Variants in CLEC20A observed in about 807,000 individuals in gnomAD.
CLEC20A encodes putative C-type lectin domain family 20 member A.
intron 5 of CLEC20A, among the ~76,000 whole-genome samples, chr1:178,486,153 T>C (rs1649135274): frequency 6.6e-6 from 1 of 152,186 alleles, no homozygotes; most frequent in African/African-American, 2.4e-5. Flanking sequence ...ATCACCCCAC[T>C]TCACCTCCAT....
chr1:178,495,756 C>A, intron 1 of CLEC20A: 1 of 152,412 alleles, frequency 6.6e-6, no homozygotes. Context: ...AAACGTCTCC[C>A]AGGAAGCCAA....
At chr1:178,488,461 C>G (rs925075856) in intron 5 of CLEC20A, 40 bp downstream of exon 5, 13 of 398,642 alleles carry the variant, frequency 3.3e-5, no homozygotes, top group Non-Finnish European at 5.3e-5. Flanking sequence ...TTCCCCAGAC[C>G]CTGAAGACCC....
chr1:178,484,792 G>A (rs1401206997), intron 5 of CLEC20A: 1 of 152,176 alleles, frequency 6.6e-6, no homozygotes, highest in Non-Finnish European at 1.5e-5. Context: ...ATTTGTATTG[G>A]TACTTCAGTT....
chr1:178,487,229 T>G (rs867452030), intron 5 of CLEC20A, among the ~76,000 whole-genome samples: 1 of 152,088 alleles, frequency 6.6e-6, no homozygotes, highest in Non-Finnish European at 1.5e-5. Context: ...CTGAACCCAA[T>G]AGCGCGGCCC....
Position 178,496,898 on chromosome 1 carries a change from A to C in CLEC20A, c.40+2T>G, listed in dbSNP as rs1649407583. The C allele has an allele frequency of 2.5e-6, 1 of 398,484 alleles. No individual in the cohort carries two copies. The highest frequency in any genetic ancestry group is 4.4e-6 in the Non-Finnish European group (1 of 226,234). The allele number at this position is 398,484 out of a possible 1,614,324, so 24.7% of individuals were successfully genotyped here. A position where few individuals can be genotyped will look rare whatever the true frequency, so the allele number is the denominator to read the frequency against. ...ACCCTCCTCCAGGTTGGGGGGCCTCACCTGCTGCGCAGAAGGAGAGCAGCA... is the reference window on the plus strand; with the variant it reads ...ACCCTCCTCCAGGTTGGGGGGCCTCCCCTGCTGCGCAGAAGGAGAGCAGCA... On this transcript the variant is annotated splice_donor_variant, in intron 1 of 7. Coordinates refer to ENST00000623247, the Ensembl canonical transcript of CLEC20A. LOFTEE classifies it high-confidence loss of function.
At chr1:178,491,269 G>T (rs1312234523) in intron 3 of CLEC20A, among the ~76,000 whole-genome samples, 2 of 152,156 alleles carry the variant, frequency 1.3e-5, no homozygotes, top group Non-Finnish European at 2.9e-5. Context: ...GAGTGGCTGG[G>T]ACTTGACCTG....
upstream of CLEC20A, among the ~76,000 whole-genome samples, chr1:178,498,265 C>T (rs1027708703): frequency 2.6e-5 from 4 of 152,080 alleles, no homozygotes; most frequent in Non-Finnish European, 4.4e-5. Flanking sequence ...TCAGAGACCC[C>T]CAGGCCCAGT....
Position 178,494,629 on chromosome 1 carries a change from G to A in CLEC20A, c.222C>T (p.Asp74=), listed in dbSNP as rs538669816. Reference sequence around the variant, plus strand: ...ACCATCTCAGGCCAGAAGTGCTTGCGTCGAAGAAGAGGCCAATCCAAGCCG... The same window carrying A: ...ACCATCTCAGGCCAGAAGTGCTTGCATCGAAGAAGAGGCCAATCCAAGCCG... The change falls in exon 2 of 8, where the codon GAC becomes GAT. Residue 74 remains aspartate (D), a synonymous_variant. Coordinates refer to ENST00000623247, the Ensembl canonical transcript of CLEC20A. 1.7e-4 allele frequency: 68 copies of A among 399,452 alleles called. No individual in the cohort carries two copies. In the South Asian group the frequency reaches 7.1e-3, roughly 42 times the overall value. The allele number at this position is 399,452 out of a possible 1,614,324, so 24.7% of individuals were successfully genotyped here.
chr1:178,490,384 ATGTCATCACT>A lies in CLEC20A; in HGVS notation c.507_516del (p.Gln169HisfsTer22). 1 of 398,690 alleles carries A rather than the reference ATGTCATCACT, an allele frequency of 2.5e-6. No individual in the cohort carries two copies. The highest frequency in any genetic ancestry group is 4.4e-5 in the Admixed American group (1 of 22,742). 24.7% of individuals were successfully genotyped at this position (398,690 alleles called of 1,614,324 possible). ...CGGCAGTACAGCAGGGCCGAGGACC[ATGTCATCACT>A]TGGTCAAATCGCATGAAGGTCTGAC... On this transcript the variant is annotated frameshift_variant, in exon 4 of 8. Transcript: ENST00000623247. LOFTEE classifies it high-confidence loss of function.
chr1:178,492,626 G>T, intron 2 of CLEC20A, 60 bp from the exon 3 acceptor site: 1 of 398,596 alleles, frequency 2.5e-6, no homozygotes, highest in Non-Finnish European at 4.4e-6. Flanking sequence ...GCAGGCAGGA[G>T]CTGTCCGGTT....
At chr1:178,486,026 G>A (rs1021927946) in intron 5 of CLEC20A, among the ~76,000 whole-genome samples, 1 of 152,242 alleles carries the variant, frequency 6.6e-6, no homozygotes, top group South Asian at 2.1e-4. Flanking sequence ...GAAAAATAAG[G>A]TTCAGAGAAG....
chr1:178,496,781 C>CCACCTTGCCT, intron 1 of CLEC20A, 119 bp downstream of exon 1: 1 of 398,520 alleles, frequency 2.5e-6, no homozygotes, highest in Non-Finnish European at 4.4e-6. Flanking sequence ...TCATTTCTTT[C>CCACCTTGCCT]CACCTTGCCT....
intron 7 of CLEC20A, 42 bp from the exon 8 acceptor site, chr1:178,479,657 T>A (rs369844624): frequency 2.5e-6 from 1 of 398,336 alleles, no homozygotes. Flanking sequence ...GCGGTCTTTT[T>A]ACTTCATGGT....
Position 178,494,387 on chromosome 1 carries a change from C to T in CLEC20A, c.397+67G>A, listed in dbSNP as rs568414425. 7.5e-6 allele frequency: 3 copies of T among 399,132 alleles called. No homozygotes were observed. The South Asian group carries it at 4.2e-4, about 55-fold the overall frequency. 24.7% of individuals were successfully genotyped at this position (399,132 alleles called of 1,614,324 possible). The stretch of plus-strand genomic sequence containing the variant: ...TGAGCTATGATCACACCACTGCACT[C>T]CAGCCTGGGCAACAGAGTGAGGCCC... On this transcript the variant is annotated intron_variant, in intron 2 of 7. Transcript: ENST00000623247.
chr1:178,480,829 A>T (rs1446605306), intron 7 of CLEC20A: 1 of 151,932 alleles, frequency 6.6e-6, no homozygotes, highest in Non-Finnish European at 1.5e-5. Flanking sequence ...GAGAACTCAA[A>T]AGTTCCTTTG....
chr1:178,486,953 A>G (rs1649161963), intron 5 of CLEC20A: 1 of 396,734 alleles, frequency 2.5e-6, no homozygotes. Flanking sequence ...CGCGAGTAGG[A>G]GGTGCGGAGG....
At chr1:178,483,572 A>AT (rs1558027510) in intron 5 of CLEC20A, 25 of 250,074 alleles carry the variant, frequency 1.0e-4, no homozygotes, top group Non-Finnish European at 1.4e-4. Flanking sequence ...TCCTCATCAA[A>AT]TTTTTTTTGT....
intron 7 of CLEC20A, 40 bp downstream of exon 7, chr1:178,482,272 A>G (rs1000569985): frequency 1.8e-5 from 7 of 398,530 alleles, no homozygotes; most frequent in South Asian, 1.3e-4. Flanking sequence ...GCAATGTCCA[A>G]TCATCTGATC....
exon 8 of CLEC20A, chr1:178,479,354 C>T (rs560823760): frequency 2.6e-6 from 1 of 380,940 alleles, no homozygotes; most frequent in South Asian, 1.5e-4. Flanking sequence ...CTGTTTCATT[C>T]TGTAAAATCC....
Sources: gnomAD v4.1 joint callset for allele counts (sites outside exome capture counted in the v4.1 genomes callset) on GRCh38, gnomAD v4.1.1 for gene constraint, MANE v1.5 for transcripts, NCBI Gene and HGNC (gene_info 2026-07-23, HGNC 2026-07-21) for gene names.